Variants in STOX2 observed in about 807,000 individuals in gnomAD.
STOX2 encodes storkhead-box protein 2.
STOX2 carries 28 observed loss-of-function variants against 60.9 expected under a neutral mutation model. That is an observed-to-expected ratio of 0.46 (90% confidence interval 0.34 to 0.63). The LOEUF is 0.63. Ranked by LOEUF, STOX2 falls within the 30% of genes least tolerant of loss-of-function variation. The pLI is 0.01. For missense variants in STOX2, 1,024 were observed against 1,187.7 expected (o/e 0.86, Z 2.03); for synonymous variants, 472 against 463.9 (o/e 1.02, Z -0.22).
chr4:184,009,273 C>T lies in STOX2; in HGVS notation c.435C>T (p.Phe145=), dbSNP rs545310273. The T allele has an allele frequency of 1.9e-6, 3 of 1,612,486 alleles. No individual in the cohort carries two copies. In the African/African-American group the frequency reaches 4.0e-5, roughly 22 times the overall value. The change falls in exon 3 of 4, where the codon TTC becomes TTT. Residue 145 remains phenylalanine (F), a synonymous_variant. Coordinates refer to ENST00000308497, the MANE Select transcript of STOX2 (RefSeq NM_020225.3). The surrounding 1 kb of genome is among the most constrained non-coding windows in gnomAD (Gnocchi z 4.0). ...TCATCGTGACCCCACAGACTTATTT[C>T]ATAACTCCTTCCCTCATAAGAACTA... The part of the protein sequence containing the change: ...GYFIVTPQTY[F]ITPSLIRTNS...
At chr4:183,847,871 A>G (rs2111137576) in intron 1 of STOX2, among the ~76,000 whole-genome samples, 1 of 152,320 alleles carries the variant, frequency 6.6e-6, no homozygotes, top group South Asian at 2.1e-4. Flanking sequence ...CACTTTGTGC[A>G]CATGTGCCTT....
intron 1 of STOX2, among the ~76,000 whole-genome samples, chr4:183,816,323 C>T (rs544110020): frequency 8.5e-5 from 13 of 152,308 alleles, no homozygotes; most frequent in Admixed American, 2.0e-4. Context: ...CAGCCATAAA[C>T]AAGAATGAAA....
rs1183147688 is a variant in STOX2, at chr4:183,905,907, G to C, written c.-884G>C. 2 of 152,358 alleles carry C rather than the reference G, an allele frequency of 1.3e-5. No individual in the cohort carries two copies. The highest frequency in any genetic ancestry group is 3.9e-4 in the East Asian group (2 of 5,172). The allele number at this position is 152,358 out of a possible 1,614,324, so 9.4% of individuals were successfully genotyped here. A position where few individuals can be genotyped will look rare whatever the true frequency, so the allele number is the denominator to read the frequency against. On this transcript the variant is annotated 5_prime_UTR_variant, in exon 1 of 4. Transcript: ENST00000308497. ...CGGCGCCGCCTCGGCCAGTAAGTAG[G>C]AGCATGCATGTGTAGGGGGCACATG...
chr4:183,880,652 C>G (rs184749187), intron 1 of STOX2, among the ~76,000 whole-genome samples: 6 of 152,238 alleles, frequency 3.9e-5, no homozygotes, highest in Admixed American at 3.9e-4. Flanking sequence ...TTGGGGCCTT[C>G]GTCTGATAAA....
rs753633668 is a variant in STOX2, at chr4:184,009,795, C to T, written c.957C>T (p.Asn319=). 1.9e-6 allele frequency: 3 copies of T among 1,612,614 alleles called. No individual in the cohort carries two copies. The South Asian group carries it at 3.3e-5, about 18-fold the overall frequency. The change falls in exon 3 of 4, where the codon AAC becomes AAT. Residue 319 remains asparagine, a synonymous_variant. Coordinates refer to ENST00000308497, the MANE Select transcript of STOX2 (RefSeq NM_020225.3). The surrounding 1 kb of genome is among the most constrained non-coding windows in gnomAD (Gnocchi z 4.0). ...AGATGGAAATCATTAGGCGCATTAA[C>T]CCAGACCTGACCGTGGAAAATGTCA... ...EVEMEIIRRI[N]PDLTVENVMR...
rs913547736 is a variant in STOX2, at chr4:184,001,584, T to C, written c.319+107T>C. On this transcript the variant is annotated intron_variant, in intron 2 of 3. Transcript: ENST00000308497. The surrounding 1 kb of genome is among the most constrained non-coding windows in gnomAD (Gnocchi z 4.2). ...GTTTAAAGAGAATAGGAAAACATTC[T>C]TCCCCAAAACTGACCCGAAGCTTTC... 1.9e-5 allele frequency: 22 copies of C among 1,151,942 alleles called. No homozygotes were observed. In the African/African-American group the frequency reaches 3.1e-4, roughly 16 times the overall value. The allele number at this position is 1,151,942 out of a possible 1,614,324, so 71.4% of individuals were successfully genotyped here.
intron 1 of STOX2, among the ~76,000 whole-genome samples, chr4:183,816,450 G>A (rs1216517785): frequency 6.6e-6 from 1 of 152,100 alleles, no homozygotes; most frequent in East Asian, 1.9e-4. Context: ...AAAACAATGG[G>A]TACACATGCA....
intron 1 of STOX2, among the ~76,000 whole-genome samples, chr4:183,977,095 G>T (rs1006088217): frequency 6.6e-6 from 1 of 152,108 alleles, no homozygotes; most frequent in Non-Finnish European, 1.5e-5. Flanking sequence ...TGGATATATT[G>T]TGTAGTGGTA....
intron 1 of STOX2, among the ~76,000 whole-genome samples, chr4:183,874,558 A>G (rs887088291): frequency 6.6e-6 from 1 of 152,064 alleles, no homozygotes; most frequent in Non-Finnish European, 1.5e-5. Flanking sequence ...TATTCTAAGC[A>G]ATTATACAGA....
At chr4:184,007,279 G>T (rs562090838) in intron 2 of STOX2, among the ~76,000 whole-genome samples, 10 of 152,186 alleles carry the variant, frequency 6.6e-5, no homozygotes, top group African/African-American at 2.4e-4. Context: ...TTCTCCCCTT[G>T]AGAATCCCAG....
chr4:183,837,034 T>C (rs1370332648), intron 1 of STOX2, among the ~76,000 whole-genome samples: 1 of 152,164 alleles, frequency 6.6e-6, no homozygotes, highest in Non-Finnish European at 1.5e-5. Context: ...CGTAGCACTG[T>C]ACAAGAGTGG....
chr4:183,988,014 A>C (rs1732922260), intron 1 of STOX2: 2 of 151,848 alleles, frequency 1.3e-5, no homozygotes. Context: ...TACCTTTTTC[A>C]TGATTAAAAA....
chr4:183,840,424 G>A (rs1042834411), intron 1 of STOX2, among the ~76,000 whole-genome samples: 6 of 152,156 alleles, frequency 3.9e-5, no homozygotes, highest in Admixed American at 2.0e-4. Context: ...GCCACCAGGG[G>A]GCAAGCGAAG....
chr4:183,943,974 G>C (rs1432381223), intron 1 of STOX2, among the ~76,000 whole-genome samples: 2 of 152,188 alleles, frequency 1.3e-5, no homozygotes, highest in Admixed American at 1.3e-4. Flanking sequence ...TAGGTGCTGT[G>C]GATTCAAAGA....
intron 1 of STOX2, among the ~76,000 whole-genome samples, chr4:183,810,113 C>G (rs1739001448): frequency 6.6e-6 from 1 of 152,180 alleles, no homozygotes. Context: ...CAGTACTGCT[C>G]TGCATGGATA....
chr4:183,948,753 A>C (rs1490638935), intron 1 of STOX2, among the ~76,000 whole-genome samples: 1 of 151,734 alleles, frequency 6.6e-6, no homozygotes, highest in Non-Finnish European at 1.5e-5. Flanking sequence ...GCTGGTCTCA[A>C]ACTCGTGACC....
At chr4:183,877,963 T>A (rs1016897494) in intron 1 of STOX2, among the ~76,000 whole-genome samples, 1 of 152,224 alleles carries the variant, frequency 6.6e-6, no homozygotes, top group African/African-American at 2.4e-5. Flanking sequence ...GTGCTGGGAT[T>A]ACAGGTGTGA....
At chr4:183,893,041 T>C (rs1452749311) in intron 1 of STOX2, among the ~76,000 whole-genome samples, 1 of 152,066 alleles carries the variant, frequency 6.6e-6, no homozygotes, top group African/African-American at 2.4e-5. Context: ...ACATCAGATA[T>C]CCTTCGGAAA....
chr4:183,964,963 A>G (rs191273482), intron 1 of STOX2, among the ~76,000 whole-genome samples: 1 of 152,320 alleles, frequency 6.6e-6, no homozygotes, highest in Admixed American at 6.5e-5. Flanking sequence ...GGTTTTATGA[A>G]ATCTTAGACA....
Sources: gnomAD v4.1 joint callset for allele counts (sites outside exome capture counted in the v4.1 genomes callset) on GRCh38, gnomAD v4.1.1 for gene constraint, Gnocchi (gnomAD v3.1) non-coding constraint, MANE v1.5 for transcripts, NCBI Gene and HGNC (gene_info 2026-07-23, HGNC 2026-07-21) for gene names.